Variants in CILK1 observed in about 807,000 individuals in gnomAD.
CILK1 encodes ciliogenesis associated kinase 1.
A neutral mutation model predicts 79.2 loss-of-function variants in CILK1; 47 were observed. The ratio of observed to expected loss-of-function variants is 0.59; its 90% CI spans 0.47 to 0.76. CILK1 has a LOEUF of 0.76. Ranked by LOEUF, CILK1 falls within the 30% of genes least tolerant of loss-of-function variation. The probability of loss-of-function intolerance (pLI) is 0.00; values close to 1 mark genes in which losing one functional copy is unlikely to be tolerated. For synonymous variants in CILK1, 266 were observed against 275.9 expected (o/e 0.96, Z 0.36); for missense variants, 660 against 769.5 (o/e 0.86, Z 1.68).
At chr6:53,019,029 A>C (rs1164405819) in intron 6 of CILK1, among the ~76,000 whole-genome samples, 198 bp downstream of exon 6, 2 of 152,218 alleles carry the variant, frequency 1.3e-5, no homozygotes, top group Non-Finnish European at 2.9e-5. Context: ...GAAAAGCATA[A>C]TAGGTTTTCT....
At chr6:53,006,213 C>G in intron 13 of CILK1, 102 bp downstream of exon 13, 1 of 1,110,424 alleles carries the variant, frequency 9.0e-7, no homozygotes, top group Non-Finnish European at 1.4e-6. Context: ...GTGCAAGTTT[C>G]ATTTATTGGT....
chr6:53,021,938 G>A (rs1765270979), intron 5 of CILK1, among the ~76,000 whole-genome samples: 1 of 152,110 alleles, frequency 6.6e-6, no homozygotes, highest in African/African-American at 2.4e-5. Flanking sequence ...AGATGTGGAG[G>A]TGGAAGGCAA....
At chr6:53,050,367 TA>T (rs1028750390) in intron 1 of CILK1, among the ~76,000 whole-genome samples, 1 of 151,440 alleles carries the variant, frequency 6.6e-6, no homozygotes, top group African/African-American at 2.4e-5. Context: ...TACAATTTGT[TA>T]AAAAAAAGAA....
At chr6:53,027,295 A>G (rs1338226988) in intron 5 of CILK1, among the ~76,000 whole-genome samples, 3 of 152,244 alleles carry the variant, frequency 2.0e-5, no homozygotes, top group Non-Finnish European at 4.4e-5. Flanking sequence ...TGGCACGGAT[A>G]AGTGTGACCT....
chr6:53,016,078 A>G lies in CILK1; in HGVS notation c.831+5T>C. The G allele has an allele frequency of 2.5e-6, 4 of 1,610,044 alleles. No homozygotes were observed. Among genetic ancestry groups the G allele is most frequent in the Non-Finnish European group, 3.4e-6 (4 of 1,179,720 alleles). ...GAACGTTATAACAAGAAAATGGAAG[A>G]AAACCTGACTAGCTGTTGGTCGTTT... On this transcript the variant is annotated splice_donor_5th_base_variant and intron_variant, in intron 8 of 13. Coordinates refer to ENST00000676107, the MANE Select transcript of CILK1 (RefSeq NM_014920.5).
intron 12 of CILK1, among the ~76,000 whole-genome samples, chr6:53,007,032 G>T (rs928951173): frequency 2.0e-5 from 3 of 152,164 alleles, no homozygotes; most frequent in African/African-American, 7.2e-5. Flanking sequence ...TATGCTACTC[G>T]TCTTGGTATT....
In CILK1 at chr6:53,005,145, A is replaced by T. The variant is rs1348246931; in HGVS notation, c.*4T>A. The T allele has an allele frequency of 6.2e-7, 1 of 1,614,156 alleles. No individual in the cohort carries two copies. The highest frequency in any genetic ancestry group is 8.5e-7 in the Non-Finnish European group (1 of 1,180,036). ...AGGAAGAGATTCATCACCAAGGCAG[A>T]CAGTCATCGCCGAGATGCGTACTTG... On this transcript the variant is annotated 3_prime_UTR_variant, in exon 14 of 14. Transcript: ENST00000676107.
chr6:53,043,153 T>C (rs992151680), intron 1 of CILK1, among the ~76,000 whole-genome samples: 2 of 151,792 alleles, frequency 1.3e-5, no homozygotes, highest in African/African-American at 4.8e-5. Flanking sequence ...CCGTCTCTAC[T>C]AAAAACACAA....
chr6:53,048,953 T>C (rs900186676), intron 1 of CILK1, among the ~76,000 whole-genome samples: 1 of 152,140 alleles, frequency 6.6e-6, no homozygotes, highest in Non-Finnish European at 1.5e-5. Flanking sequence ...TAAAGACAGT[T>C]GACAAAGAAG....
intron 9 of CILK1, among the ~76,000 whole-genome samples, chr6:53,012,653 T>C (rs1764646011): frequency 6.6e-6 from 1 of 152,206 alleles, no homozygotes; most frequent in African/African-American, 2.4e-5. Context: ...TCAGTATATA[T>C]AGTTACTATC....
chr6:53,047,191 G>T (rs1044379836), intron 1 of CILK1, among the ~76,000 whole-genome samples: 1 of 152,230 alleles, frequency 6.6e-6, no homozygotes, highest in African/African-American at 2.4e-5. Context: ...CGAGGCTAGA[G>T]CGTAAAACCA....
At chr6:53,036,887 C>T (rs539239422) in intron 3 of CILK1, among the ~76,000 whole-genome samples, 3 of 151,992 alleles carry the variant, frequency 2.0e-5, no homozygotes, top group Non-Finnish European at 2.9e-5. Flanking sequence ...ATTATTATTA[C>T]ATTTTATATT....
At chr6:53,041,579 C>A (rs762413927) in intron 1 of CILK1, among the ~76,000 whole-genome samples, 171 bp from the exon 2 acceptor site, 78 of 152,226 alleles carry the variant, frequency 5.1e-4, no homozygotes, top group Non-Finnish European at 8.4e-4. Context: ...GTAGAGCCTG[C>A]AAAGCCCAAA....
chr6:53,021,196 A>C (rs1765215474), intron 5 of CILK1, among the ~76,000 whole-genome samples: 1 of 152,178 alleles, frequency 6.6e-6, no homozygotes, highest in African/African-American at 2.4e-5. Flanking sequence ...GTGGTGGCAC[A>C]TGCCTGTAAT....
chr6:53,044,480 T>A (rs1766926301), intron 1 of CILK1, among the ~76,000 whole-genome samples: 1 of 152,230 alleles, frequency 6.6e-6, no homozygotes, highest in African/African-American at 2.4e-5. Flanking sequence ...ATAGTTTCAT[T>A]CTTGGGAAAT....
chr6:53,023,009 C>G (rs1340500003), intron 5 of CILK1, among the ~76,000 whole-genome samples: 2 of 151,872 alleles, frequency 1.3e-5, no homozygotes, highest in Non-Finnish European at 2.9e-5. Context: ...TCTCAGCTCA[C>G]TGCCAGCTCT....
At chr6:53,048,464 A>C (rs1425041687) in intron 1 of CILK1, among the ~76,000 whole-genome samples, 1 of 152,236 alleles carries the variant, frequency 6.6e-6, no homozygotes, top group Non-Finnish European at 1.5e-5. Context: ...ATAGCATTAG[A>C]CAAGAAGCAC....
In CILK1 at chr6:53,009,540, G is replaced by A. The variant is rs535382697; in HGVS notation, c.1520C>T (p.Ser507Leu). 8 of 1,610,662 alleles carry A rather than the reference G, an allele frequency of 5.0e-6. No individual in the cohort carries two copies. The highest frequency in any genetic ancestry group is 1.3e-5 in the African/African-American group (1 of 74,978). ...TGGAATAAATTCCTTGCCTGGATTC[G>A]AGAGTATGCCATTTCTTATACTGAT... is the stretch of plus-strand genomic sequence containing the variant. ...PGISIRNGIL[S>L]NPGKEFIPPN... is the part of the protein sequence containing the mutation. Residue 507 changes from serine to leucine, a missense_variant, in exon 12 of 14, where the codon TCG becomes TTG. Physicochemically the swap from Ser to Leu is moderately radical, Grantham distance 145. Coordinates refer to ENST00000676107, the MANE Select transcript of CILK1 (RefSeq NM_014920.5).
At position 53,013,881 on chromosome 6, in the gene CILK1, T is replaced by C; in HGVS notation, c.933A>G (p.Ala311=). The change falls in exon 9 of 14, where the codon GCA becomes GCG. Residue 311 remains alanine (A), a synonymous_variant. Coordinates refer to ENST00000676107, the MANE Select transcript of CILK1 (RefSeq NM_014920.5). ...EKPQKGILEK[A]GPPPYIKPVP... Reference sequence around the variant, plus strand: ...CTGGCTTAATATAAGGAGGTGGGCCTGCCTTTTCCAGGATGCCTTTCTGTG... The same window carrying C: ...CTGGCTTAATATAAGGAGGTGGGCCCGCCTTTTCCAGGATGCCTTTCTGTG... 6.2e-7 allele frequency: 1 copy of C among 1,614,146 alleles called. No homozygotes were observed. Among genetic ancestry groups the C allele is most frequent in the Non-Finnish European group, 8.5e-7 (1 of 1,180,006 alleles).
Sources: allele counts gnomAD v4.1 joint callset (sites outside exome capture counted in the v4.1 genomes callset), GRCh38; gene constraint gnomAD v4.1.1; transcripts MANE v1.5; gene names NCBI Gene and HGNC (gene_info 2026-07-23, HGNC 2026-07-21).